The following MEI4 variants were observed in gnomAD, a reference collection of about 807,000 sequenced individuals.
MEI4 encodes the protein meiosis-specific protein MEI4.
MEI4 carries 27 observed loss-of-function variants against 31.4 expected under a neutral mutation model. That is an observed-to-expected ratio of 0.86 (90% CI 0.63 to 1.19). MEI4 has a LOEUF of 1.19. MEI4 is among the 50% of genes most tolerant of loss of function. The pLI, the probability that MEI4 is intolerant of heterozygous loss-of-function variation, is 0.00. For synonymous variants in MEI4, 122 were observed against 145.4 expected, an observed-to-expected ratio of 0.84 and a Z score of 1.16; for missense variants, 329 against 398.9, an observed-to-expected ratio of 0.82 and a Z score of 1.49.
At chr6:77,848,429 C>A (rs778783104) in intron 4 of MEI4, among the ~76,000 whole-genome samples, 1 of 152,104 alleles carries the variant, frequency 6.6e-6, no homozygotes, top group Non-Finnish European at 1.5e-5. Flanking sequence ...GGAGACAGTT[C>A]CCTGACATTT....
At position 77,761,655 on chromosome 6, in the gene MEI4, A is replaced by G; in HGVS notation, c.758A>G (p.His253Arg). Reference sequence around the variant, plus strand: ...CTACATGCTATTTTAGGAAACAATCATATAAATCAGGTGAGTAATAAATCC... The same window carrying G: ...CTACATGCTATTTTAGGAAACAATCGTATAAATCAGGTGAGTAATAAATCC... ...TLLHAILGNN[H>R]INQFQVQHYV... The change falls in exon 3 of 5, where the codon CAT becomes CGT. Residue 253 changes from histidine (H) to arginine (R), a missense_variant. His to Arg is a conservative substitution (Grantham distance 29). Coordinates refer to ENST00000684080, the MANE Select transcript of MEI4 (RefSeq NM_001322247.2). The G allele has an allele frequency of 8.1e-7, 1 of 1,231,230 alleles. No homozygotes were observed. The highest frequency in any genetic ancestry group is 4.2e-5 in the Admixed American group (1 of 23,718). 76.3% of individuals were successfully genotyped at this position (1,231,230 alleles called of 1,614,324 possible).
chr6:77,699,266 T>C (rs753121843), intron 2 of MEI4, among the ~76,000 whole-genome samples: 1,460 of 144,904 alleles, frequency 0.01, 9 homozygotes, highest in Non-Finnish European at 0.015. Context: ...CTCGGCTCAC[T>C]GCAAGCTCGG....
intron 4 of MEI4, among the ~76,000 whole-genome samples, chr6:77,899,994 C>T (rs1766156714): frequency 6.7e-6 from 1 of 150,020 alleles, no homozygotes; most frequent in African/African-American, 2.5e-5. Context: ...AATAAGACCT[C>T]AAAATACAGG....
At chr6:77,908,874 G>C (rs1766363093) in intron 4 of MEI4, among the ~76,000 whole-genome samples, 1 of 151,976 alleles carries the variant, frequency 6.6e-6, no homozygotes, top group Non-Finnish European at 1.5e-5. Flanking sequence ...CCTACAAAGA[G>C]AGAGACTTAG....
At chr6:77,902,207 G>C (rs964198164) in intron 4 of MEI4, among the ~76,000 whole-genome samples, 2 of 151,876 alleles carry the variant, frequency 1.3e-5, no homozygotes, top group African/African-American at 4.8e-5. Context: ...AGCTCTTCAC[G>C]ATTATTAAAA....
intron 2 of MEI4, among the ~76,000 whole-genome samples, chr6:77,753,513 C>G (rs971056670): frequency 2.6e-5 from 4 of 152,346 alleles, no homozygotes; most frequent in African/African-American, 7.2e-5. Context: ...CTCAGCATCG[C>G]TGATCATTAG....
At chr6:77,833,201 C>T (rs985588839) in intron 4 of MEI4, among the ~76,000 whole-genome samples, 1 of 151,738 alleles carries the variant, frequency 6.6e-6, no homozygotes, top group Non-Finnish European at 1.5e-5. Context: ...CATCTTATGA[C>T]ATAATCACCG....
chr6:77,719,030 A>G (rs1366309496), intron 2 of MEI4, among the ~76,000 whole-genome samples: 4 of 131,500 alleles, frequency 3.0e-5, no homozygotes, highest in Non-Finnish European at 4.9e-5. Context: ...CCAAGGGTAG[A>G]AAGACTGCAA....
At chr6:77,735,818 G>T (rs1307797506) in intron 2 of MEI4, among the ~76,000 whole-genome samples, 1 of 151,990 alleles carries the variant, frequency 6.6e-6, no homozygotes, top group Non-Finnish European at 1.5e-5. Context: ...TTTTGGTGTG[G>T]ATGTACTTTC....
chr6:77,711,815 A>G (rs1766472663), intron 2 of MEI4, among the ~76,000 whole-genome samples: 1 of 152,166 alleles, frequency 6.6e-6, no homozygotes, highest in African/African-American at 2.4e-5. Flanking sequence ...AAAAAATTAG[A>G]AATAGTTGTA....
intron 2 of MEI4, among the ~76,000 whole-genome samples, chr6:77,697,033 G>T (rs1387711038): frequency 2.6e-5 from 4 of 152,126 alleles, no homozygotes; most frequent in African/African-American, 9.7e-5. Flanking sequence ...ATTTCTTCTA[G>T]ATTTTCTAGT....
intron 1 of MEI4, among the ~76,000 whole-genome samples, chr6:77,661,005 C>G (rs542428358): frequency 6.6e-6 from 1 of 152,188 alleles, no homozygotes; most frequent in East Asian, 1.9e-4. Context: ...TGCTGGAGGA[C>G]TGGAAGATAG....
intron 1 of MEI4, among the ~76,000 whole-genome samples, chr6:77,684,241 C>G (rs9443436): frequency 6.6e-6 from 1 of 151,888 alleles, no homozygotes; most frequent in African/African-American, 2.4e-5. Context: ...AAAACTCTTA[C>G]GTTTTTTAAA....
chr6:77,842,008 C>T (rs1466585419), intron 4 of MEI4, among the ~76,000 whole-genome samples: 1 of 152,018 alleles, frequency 6.6e-6, no homozygotes, highest in African/African-American at 2.4e-5. Flanking sequence ...TTCATTACTC[C>T]TCTCTCAGTA....
intron 4 of MEI4, among the ~76,000 whole-genome samples, chr6:77,894,343 C>T (rs1459984465): frequency 6.6e-6 from 1 of 151,786 alleles, no homozygotes; most frequent in Non-Finnish European, 1.5e-5. Flanking sequence ...TCGCAACAAA[C>T]TTGATTAAGA....
intron 1 of MEI4, among the ~76,000 whole-genome samples, chr6:77,669,993 G>A (rs1768708798): frequency 6.6e-6 from 1 of 152,158 alleles, no homozygotes; most frequent in African/African-American, 2.4e-5. Flanking sequence ...CTTCATATCA[G>A]TGGATGTTAA....
At chr6:77,783,538 G>A (rs1232502322) in intron 3 of MEI4, among the ~76,000 whole-genome samples, 1 of 152,088 alleles carries the variant, frequency 6.6e-6, no homozygotes, top group East Asian at 1.9e-4. Flanking sequence ...ACCAGAACAG[G>A]CTCAGAAAGA....
intron 3 of MEI4, among the ~76,000 whole-genome samples, chr6:77,828,333 T>C (rs1398304571): frequency 6.6e-6 from 1 of 151,918 alleles, no homozygotes; most frequent in Non-Finnish European, 1.5e-5. Context: ...GAGCTAGCAT[T>C]ACCTCCTGAG....
chr6:77,864,573 G>A (rs527910341), intron 4 of MEI4, among the ~76,000 whole-genome samples: 1 of 152,094 alleles, frequency 6.6e-6, no homozygotes, highest in Non-Finnish European at 1.5e-5. Flanking sequence ...GCACCCAGAT[G>A]CATAAAGCAA....
Sources: allele counts gnomAD v4.1 joint callset (sites outside exome capture counted in the v4.1 genomes callset), GRCh38; gene constraint gnomAD v4.1.1; transcripts MANE v1.5; gene names NCBI Gene and HGNC (gene_info 2026-07-23, HGNC 2026-07-21).